The following DPP6 variants were observed in gnomAD, a reference collection of about 807,000 sequenced individuals.
DPP6 encodes A-type potassium channel modulatory protein DPP6.
Under a neutral mutation model 122.6 loss-of-function variants are expected in DPP6, and 69 were observed. The observed-to-expected ratio is 0.56, with a 90% confidence interval of 0.46 to 0.69. The LOEUF is 0.69. Among genes scored for constraint, DPP6 ranks in the 30% least tolerant of loss-of-function variants. The pLI, the probability that DPP6 is intolerant of heterozygous loss-of-function variation, is 0.00. For synonymous variants in DPP6, 418 were observed against 433.1 expected (o/e 0.97, Z 0.43); for missense variants, 928 against 1,116.9 (o/e 0.83, Z 2.41).
chr7:154,280,032 A>T (rs1183514497), intron 1 of DPP6, among the ~76,000 whole-genome samples: 1 of 152,206 alleles, frequency 6.6e-6, no homozygotes, highest in Non-Finnish European at 1.5e-5. Flanking sequence ...GACATTTTGA[A>T]AGAAAAGTTA....
chr7:154,431,419 A>T (rs535041677), intron 1 of DPP6, among the ~76,000 whole-genome samples: 1 of 115,076 alleles, frequency 8.7e-6, no homozygotes, highest in East Asian at 2.5e-4. Flanking sequence ...TCAAAACCTC[A>T]TGTCAGGCTC....
At chr7:154,373,909 G>A (rs1182354525) in intron 1 of DPP6, among the ~76,000 whole-genome samples, 4 of 152,244 alleles carry the variant, frequency 2.6e-5, no homozygotes, top group South Asian at 2.1e-4. Context: ...GGATTATTCC[G>A]TGTAGCATAA....
At chr7:154,005,862 G>A (rs960899083) in intron 1 of DPP6, among the ~76,000 whole-genome samples, 8 of 152,218 alleles carry the variant, frequency 5.3e-5, no homozygotes, top group Admixed American at 1.3e-4. Context: ...GAGTGTTGGC[G>A]GCTATGGAGA....
At chr7:154,635,144 C>T (rs1171553078) in intron 5 of DPP6, among the ~76,000 whole-genome samples, 1 of 152,082 alleles carries the variant, frequency 6.6e-6, no homozygotes, top group African/African-American at 2.4e-5. Context: ...ACTTAAATTC[C>T]TTAAGATTTT....
At chr7:153,766,996 G>T in the DPP6 span, among the ~76,000 whole-genome samples, 10 of 151,898 alleles carry the variant, frequency 6.6e-5, no homozygotes, top group Non-Finnish European at 1.2e-4. Context: ...CCTAAGTTGA[G>T]GAAAGTCAAG....
At chr7:154,277,814 C>T (rs1804237605) in intron 1 of DPP6, among the ~76,000 whole-genome samples, 1 of 152,180 alleles carries the variant, frequency 6.6e-6, no homozygotes, top group Non-Finnish European at 1.5e-5. Context: ...TCTTCTCTCT[C>T]TTGCTCCAGC....
chr7:154,854,933 A>C (rs4960559), intron 17 of DPP6, among the ~76,000 whole-genome samples: 70,239 of 151,628 alleles, frequency 0.46, 17,152 homozygotes, highest in East Asian at 0.79. Flanking sequence ...ACATTCAGGA[A>C]CCCCTTCCCT....
intron 1 of DPP6, among the ~76,000 whole-genome samples, chr7:154,312,205 G>T (rs1296187520): frequency 6.6e-6 from 1 of 152,148 alleles, no homozygotes; most frequent in Non-Finnish European, 1.5e-5. Context: ...AGATCCTGTT[G>T]CTGCTTTCTG....
chr7:154,201,737 C>G (rs73165251), intron 1 of DPP6, among the ~76,000 whole-genome samples: 66 of 152,234 alleles, frequency 4.3e-4, no homozygotes, highest in African/African-American at 1.5e-3. Flanking sequence ...ATCCGTGATC[C>G]GTGTGTCATG....
chr7:154,888,343 C>G (rs2150699980), intron 23 of DPP6, among the ~76,000 whole-genome samples: 1 of 152,256 alleles, frequency 6.6e-6, no homozygotes, highest in Non-Finnish European at 1.5e-5. Context: ...CCTGCCTCAG[C>G]CTCCCAAAGT....
intron 1 of DPP6, among the ~76,000 whole-genome samples, chr7:154,314,632 C>T (rs1170657240): frequency 6.6e-6 from 1 of 152,212 alleles, no homozygotes; most frequent in African/African-American, 2.4e-5. Flanking sequence ...GCTCACAAAC[C>T]ACACATCTAA....
intron 1 of DPP6, among the ~76,000 whole-genome samples, chr7:154,276,591 C>A (rs939660772): frequency 6.6e-6 from 1 of 152,122 alleles, no homozygotes; most frequent in Non-Finnish European, 1.5e-5. Flanking sequence ...GAGAATGGGA[C>A]CTCTGCTCAG....
intron 3 of DPP6, among the ~76,000 whole-genome samples, chr7:154,520,615 A>G (rs894628854): frequency 6.6e-6 from 1 of 152,216 alleles, no homozygotes; most frequent in Admixed American, 6.5e-5. Flanking sequence ...AGTCTTTGCT[A>G]GTAGGAGGTG....
chr7:154,827,780 A>G (rs1800291813), intron 16 of DPP6, among the ~76,000 whole-genome samples: 1 of 119,578 alleles, frequency 8.4e-6, no homozygotes, highest in South Asian at 3.6e-4. Flanking sequence ...GTCTCCCAGA[A>G]AGGATGTCCT....
intron 3 of DPP6, among the ~76,000 whole-genome samples, chr7:154,480,518 C>T (rs1474758894): frequency 1.3e-5 from 2 of 152,218 alleles, no homozygotes; most frequent in Non-Finnish European, 2.9e-5. Context: ...CTTGTCAGCT[C>T]ATGGGCATCT....
the DPP6 span, among the ~76,000 whole-genome samples, chr7:153,871,151 G>T: frequency 6.6e-6 from 1 of 152,192 alleles, no homozygotes; most frequent in African/African-American, 2.4e-5. Context: ...GCTGCGTGCT[G>T]GGAGAACCAC....
At chr7:153,946,974 G>A (rs182253685) in intron 1 of DPP6, among the ~76,000 whole-genome samples, 58 of 152,198 alleles carry the variant, frequency 3.8e-4, no homozygotes, top group Non-Finnish European at 7.2e-4. Context: ...GGTGGCTAAC[G>A]CTGCCATAAG....
intron 8 of DPP6, among the ~76,000 whole-genome samples, chr7:154,756,318 GCTCCCTCAGT>G (rs1843666111): frequency 6.6e-6 from 1 of 152,118 alleles, no homozygotes; most frequent in Non-Finnish European, 1.5e-5. Flanking sequence ...GGCTTCCTCT[GCTCCCTCAGT>G]TGGGCCCCTG....
At chr7:154,577,507 G>T (rs1831762642) in intron 5 of DPP6, among the ~76,000 whole-genome samples, 1 of 152,166 alleles carries the variant, frequency 6.6e-6, no homozygotes. Context: ...GAAGAGCACT[G>T]TTGCTTGGCC....
Sources: allele counts gnomAD v4.1 joint callset (sites outside exome capture counted in the v4.1 genomes callset), GRCh38; gene constraint gnomAD v4.1.1; transcripts MANE v1.5; gene names NCBI Gene and HGNC (gene_info 2026-07-23, HGNC 2026-07-21).